UAP1L1: variants seen among roughly 807,000 people sequenced by gnomAD.
The protein encoded by UAP1L1 is UDP-N-acetylglucosamine pyrophosphorylase 1 like 1.
UAP1L1 carries 45 observed loss-of-function variants against 45.3 expected under a neutral mutation model. That is an observed-to-expected ratio of 0.99 (90% CI 0.78 to 1.27). The LOEUF is 1.27. Among genes scored for constraint, UAP1L1 ranks in the 50% most tolerant of loss-of-function variants. UAP1L1 has a pLI of 0.00. For synonymous variants in UAP1L1, 323 were observed against 303.9 expected (o/e 1.06, Z -0.65); for missense variants, 667 against 694.0 (o/e 0.96, Z 0.44).
intron 3 of UAP1L1, 138 bp from the exon 4 acceptor site, chr9:137,078,838 C>G: frequency 7.7e-7 from 1 of 1,304,536 alleles, no homozygotes; most frequent in Non-Finnish European, 1.0e-6. Flanking sequence ...CATGGTACAC[C>G]AACTGGGCTG....
Position 137,078,673 on chromosome 9 carries a change from C to T in UAP1L1, c.666C>T (p.Ala222=). The stretch of plus-strand genomic sequence containing the variant: ...AGCGGAAAGACAAAGTTGCCATGGC[C>T]CCAGGTGTGGCCCGTTCCTGAGACG... ...ILERKDKVAM[A]PDGNGGLYCA... The change falls in exon 3 of 9, where the codon GCC becomes GCT. Residue 222 remains alanine (A), a synonymous_variant. Transcript: ENST00000409858. 1 of 1,611,610 alleles carries T rather than the reference C, an allele frequency of 6.2e-7. No individual in the cohort carries two copies. The highest frequency in any genetic ancestry group is 1.3e-5 in the African/African-American group (1 of 75,064).
Position 137,082,301 on chromosome 9 carries a change from G to C in UAP1L1, c.1431+237G>C. ...ATGAGACAGCCCAGGTCTGAGCCCA[G>C]TGTGGGGCCAGTCAGGCCTTGGTGG... On this transcript the variant is annotated intron_variant, in intron 8 of 8. Transcript: ENST00000409858. The surrounding 1 kb of genome is among the most constrained non-coding windows in gnomAD (Gnocchi z 5.7). The C allele has an allele frequency of 6.6e-6, 4 of 604,378 alleles. No homozygotes were observed. The highest frequency in any genetic ancestry group is 1.2e-5 in the Non-Finnish European group (4 of 340,410). The allele number at this position is 604,378 out of a possible 1,614,324, so 37.4% of individuals were successfully genotyped here. A position where few individuals can be genotyped will look rare whatever the true frequency, so the allele number is the denominator to read the frequency against.
Position 137,078,030 on chromosome 9 carries a change from C to G in UAP1L1, c.290-20C>G, listed in dbSNP as rs1444082144. 1.3e-6 allele frequency: 2 copies of G among 1,545,978 alleles called. No homozygotes were observed. The highest frequency in any genetic ancestry group is 1.7e-6 in the Non-Finnish European group (2 of 1,146,840). On this transcript the variant is annotated intron_variant, in intron 1 of 8. Coordinates refer to ENST00000409858, the MANE Select transcript of UAP1L1 (RefSeq NM_207309.3). ...GGTGGGCGGGTCCCGGGCGTCCCTT[C>G]ACGGCGCCCGTACCCCCAGGTTTCC...
At position 137,082,528 on chromosome 9, in the gene UAP1L1, C is replaced by A; in HGVS notation, c.1432-109C>A. 1 of 907,600 alleles carries A rather than the reference C, an allele frequency of 1.1e-6. No individual in the cohort carries two copies. The highest frequency in any genetic ancestry group is 1.6e-5 in the South Asian group (1 of 63,968). The allele number at this position is 907,600 out of a possible 1,614,324, so 56.2% of individuals were successfully genotyped here. On this transcript the variant is annotated intron_variant, in intron 8 of 8. Transcript: ENST00000409858. This position sits in a 1 kb window ranked among gnomAD's most constrained non-coding sequence, Gnocchi z 5.7. The stretch of plus-strand genomic sequence containing the variant: ...TTTCTGTCCCCACCCCTCCCTGACT[C>A]CAGGCAGACCTGGGATCGCACCTGG...
At chr9:137,079,511 G>C in intron 5 of UAP1L1, 62 bp downstream of exon 5, 6 of 1,496,098 alleles carry the variant, frequency 4.0e-6, no homozygotes, top group Non-Finnish European at 5.4e-6. Context: ...CCAGGGACCC[G>C]CGGGGTCCCA....
At chr9:137,080,648 C>T in intron 6 of UAP1L1, 41 bp from the exon 7 acceptor site, 1 of 1,571,298 alleles carries the variant, frequency 6.4e-7, no homozygotes, top group African/African-American at 1.3e-5. Flanking sequence ...GGATCAGGGC[C>T]TCTGTGCTGG....
Position 137,082,557 on chromosome 9 carries a change from C to A in UAP1L1, c.1432-80C>A. On this transcript the variant is annotated intron_variant, in intron 8 of 8. Coordinates refer to ENST00000409858, the MANE Select transcript of UAP1L1 (RefSeq NM_207309.3). The surrounding 1 kb of genome is among the most constrained non-coding windows in gnomAD (Gnocchi z 5.7). ...GCAGACCTGGGATCGCACCTGGGGA[C>A]TGTGGCTCTTGGTGTGGCCAGAGGG... The A allele has an allele frequency of 8.4e-7, 1 of 1,193,980 alleles. No homozygotes were observed. The highest frequency in any genetic ancestry group is 1.2e-6 in the Non-Finnish European group (1 of 827,140). The allele number at this position is 1,193,980 out of a possible 1,614,324, so 74.0% of individuals were successfully genotyped here.
Position 137,083,998 on chromosome 9 carries a change from G to C in UAP1L1, c.*1269G>C, listed in dbSNP as rs527621826. On this transcript the variant is annotated 3_prime_UTR_variant, in exon 9 of 9. Coordinates refer to ENST00000409858, the MANE Select transcript of UAP1L1 (RefSeq NM_207309.3). ...GGAGGCGCCCAGACCTGGGCAGGCA[G>C]CAGGCTCAGGCCCACACCTTGTGAT... 6.5e-5 allele frequency: 10 copies of C among 152,754 alleles called. No individual in the cohort carries two copies. The highest frequency in any genetic ancestry group is 2.4e-4 in the African/African-American group (10 of 41,596). 9.5% of individuals were successfully genotyped at this position (152,754 alleles called of 1,614,324 possible).
chr9:137,080,121 T>C lies in UAP1L1; in HGVS notation c.1157T>C (p.Phe386Ser). ...GGGATAAAGATGGAGAAGTTTGTGT[T>C]TGATGTGTTCCGGTTTGCTAAGTTA... ...PNGIKMEKFV[F>S]DVFRFAKNFA... Residue 386 changes from phenylalanine (F) to serine (S), a missense_variant, in exon 6 of 9, where the codon TTT becomes TCT. Coordinates refer to ENST00000409858, the MANE Select transcript of UAP1L1 (RefSeq NM_207309.3). 2 of 1,614,188 alleles carry C rather than the reference T, an allele frequency of 1.2e-6. No homozygotes were observed. Among genetic ancestry groups the C allele is most frequent in the Non-Finnish European group, 1.7e-6 (2 of 1,179,990 alleles).
At position 137,082,488 on chromosome 9, in the gene UAP1L1, C is replaced by T. The variant is rs907823743; in HGVS notation, c.1432-149C>T. The T allele has an allele frequency of 5.9e-5, 39 of 656,982 alleles. 1 individual carries two copies. In the Admixed American group the frequency reaches 9.3e-4, roughly 16 times the overall value. 40.7% of individuals were successfully genotyped at this position (656,982 alleles called of 1,614,324 possible). The stretch of plus-strand genomic sequence containing the variant: ...GTGGCCTTGCAGTGTGTGTCTGCTC[C>T]TGGCCCTGGAAGCCTTTCTGTCCCC... On this transcript the variant is annotated intron_variant, in intron 8 of 8. Transcript: ENST00000409858. This position sits in a 1 kb window ranked among gnomAD's most constrained non-coding sequence, Gnocchi z 5.7.
rs73668386 is a variant in UAP1L1 at position 137,078,837 on chromosome 9, C to T, written c.671-139C>T. On this transcript the variant is annotated intron_variant, in intron 3 of 8. Transcript: ENST00000409858. ...TGATCGTCATTTGTCACATGGTACA[C>T]CAACTGGGCTGTCTGGTTAGTGACC... The T allele has an allele frequency of 0.017, 21,772 of 1,307,094 alleles. 2,471 individuals are homozygous for T. In the African/African-American group the frequency reaches 0.26, roughly 16 times the overall value. The allele number at this position is 1,307,094 out of a possible 1,614,324, so 81.0% of individuals were successfully genotyped here.
At position 137,082,449 on chromosome 9, in the gene UAP1L1, G is replaced by C; in HGVS notation, c.1432-188G>C. On this transcript the variant is annotated intron_variant, in intron 8 of 8. Coordinates refer to ENST00000409858, the MANE Select transcript of UAP1L1 (RefSeq NM_207309.3). The surrounding 1 kb of genome is among the most constrained non-coding windows in gnomAD (Gnocchi z 5.7). ...GGGTCCCCTGCTGGCCTAGGGTCTT[G>C]AGTGTGGTCTTGGGTGGCCTTGCAG... The C allele has an allele frequency of 3.3e-6, 2 of 604,026 alleles. No homozygotes were observed. The highest frequency in any genetic ancestry group is 5.9e-6 in the Non-Finnish European group (2 of 338,352). The allele number at this position is 604,026 out of a possible 1,614,324, so 37.4% of individuals were successfully genotyped here.
chr9:137,079,479 C>T lies in UAP1L1; in HGVS notation c.1037+30C>T, dbSNP rs375338089. 4.1e-5 allele frequency: 64 copies of T among 1,558,050 alleles called. No individual in the cohort carries two copies. In the East Asian group the frequency reaches 5.2e-4, roughly 13 times the overall value. The stretch of plus-strand genomic sequence containing the variant: ...GCGGCAGCAGGTGGCTGCGGATTGC[C>T]GGCCAGAGCCGCCTGCGTTGACCAG... On this transcript the variant is annotated intron_variant, in intron 5 of 8. Transcript: ENST00000409858.
intron 6 of UAP1L1, 134 bp from the exon 7 acceptor site, chr9:137,080,555 C>CG (rs1300598951): frequency 2.3e-6 from 2 of 866,604 alleles, no homozygotes; most frequent in East Asian, 2.5e-5. Flanking sequence ...TCAGTACCTG[C>CG]GGGGGCTCCT....
Position 137,082,033 on chromosome 9 carries a change from A to C in UAP1L1, c.1400A>C (p.Glu467Ala). The change falls in exon 8 of 9, where the codon GAG (glutamate) becomes GCG (alanine). Residue 467 changes from glutamate (E) to alanine (A), a missense_variant. Glu to Ala is a moderately radical substitution (Grantham distance 107). Transcript: ENST00000409858. This position sits in a 1 kb window ranked among gnomAD's most constrained non-coding sequence, Gnocchi z 5.7. ...AATGGAGACCCTCCGGCCATCTGTGAGATATCGCCCTTGGTGTCTTACTCT... is the reference window on the plus strand; with the variant it reads ...AATGGAGACCCTCCGGCCATCTGTGCGATATCGCCCTTGGTGTCTTACTCT... ...PPNGDPPAIC[E>A]ISPLVSYSGE... is the part of the protein sequence containing the mutation. 1 of 1,613,980 alleles carries C rather than the reference A, an allele frequency of 6.2e-7. No homozygotes were observed. Among genetic ancestry groups the C allele is most frequent in the Non-Finnish European group, 8.5e-7 (1 of 1,180,002 alleles).
In UAP1L1 at chr9:137,082,760, G is replaced by A; in HGVS notation, c.*31G>A. The A allele has an allele frequency of 6.6e-7, 1 of 1,520,736 alleles. No homozygotes were observed. Among genetic ancestry groups the A allele is most frequent in the Non-Finnish European group, 8.9e-7 (1 of 1,129,238 alleles). The allele number at this position is 1,520,736 out of a possible 1,614,324, so 94.2% of individuals were successfully genotyped here. ...CCAGACTGTCCCCAGACTCCCCCGA[G>A]ACCTGCCAGCCCCGGCATCCTGGAA... On this transcript the variant is annotated 3_prime_UTR_variant, in exon 9 of 9. Transcript: ENST00000409858. This position sits in a 1 kb window ranked among gnomAD's most constrained non-coding sequence, Gnocchi z 5.7.
At chr9:137,080,989 C>A (rs1832780338) in intron 7 of UAP1L1, 115 bp downstream of exon 7, 1 of 1,073,268 alleles carries the variant, frequency 9.3e-7, no homozygotes, top group Non-Finnish European at 1.3e-6. Flanking sequence ...GGTCTTCCTT[C>A]CCGGCACCAC....
At chr9:137,079,979 C>T (rs1447684752) in intron 5 of UAP1L1, 23 bp from the exon 6 acceptor site, 2 of 1,611,824 alleles carry the variant, frequency 1.2e-6, no homozygotes, top group African/African-American at 2.7e-5. Context: ...TTCTTTCCTC[C>T]CCTCTGCTCT....
At chr9:137,079,900 C>T (rs1254669165) in intron 5 of UAP1L1, 102 bp from the exon 6 acceptor site, 8 of 1,431,960 alleles carry the variant, frequency 5.6e-6, no homozygotes, top group South Asian at 5.2e-5. Flanking sequence ...CTTCTGCCAT[C>T]CTGTCCCACC....
Sources: allele counts gnomAD v4.1 joint callset, GRCh38; gene constraint gnomAD v4.1.1; non-coding constraint Gnocchi (gnomAD v3.1); transcripts MANE v1.5; gene names NCBI Gene and HGNC (gene_info 2026-07-23, HGNC 2026-07-21).